Variants in ITIH5 observed in about 807,000 individuals in gnomAD.
ITIH5 encodes inter-alpha-trypsin inhibitor heavy chain 5, also known as inter-alpha-trypsin inhibitor heavy chain H5.
ITIH5 carries 65 observed loss-of-function variants against 77.5 expected under a neutral mutation model. The observed-to-expected ratio is 0.84, with a 90% CI of 0.69 to 1.03. The LOEUF is 1.03. Among genes scored for constraint, ITIH5 ranks in the 50% least tolerant of loss-of-function variants. The pLI is 0.00. For synonymous variants in ITIH5, 525 were observed against 494.3 expected (o/e 1.06, Z -0.82); for missense variants, 1,208 against 1,213.1 (o/e 1.00, Z 0.06).
chr10:7,640,475 CAAA>C (rs201317420), intron 4 of ITIH5, among the ~76,000 whole-genome samples: 2 of 77,948 alleles, frequency 2.6e-5, no homozygotes, highest in Non-Finnish European at 2.8e-5. Flanking sequence ...GACCTCATTC[CAAA>C]AAAAAAAAAA....
intron 9 of ITIH5, 127 bp from the exon 10 acceptor site, chr10:7,577,139 T>C: frequency 1.4e-6 from 1 of 712,092 alleles, no homozygotes; most frequent in Non-Finnish European, 2.3e-6. Flanking sequence ...GAGTCCAACA[T>C]GGCACCCCAC....
At chr10:7,599,710 A>G (rs377293482) in intron 7 of ITIH5, among the ~76,000 whole-genome samples, 2 of 152,234 alleles carry the variant, frequency 1.3e-5, no homozygotes, top group South Asian at 4.1e-4. Context: ...ACACAAAGAT[A>G]TGGACAGGCT....
At chr10:7,650,602 G>C (rs549710313) in intron 2 of ITIH5, among the ~76,000 whole-genome samples, 2 of 152,220 alleles carry the variant, frequency 1.3e-5, no homozygotes, top group South Asian at 2.1e-4. Flanking sequence ...CAGGTGTGAT[G>C]ATGGGTGCCC....
In ITIH5 at chr10:7,561,575, C is replaced by T. The variant is rs1013454458; in HGVS notation, c.*1508G>A. The T allele has an allele frequency of 7.2e-5, 11 of 152,396 alleles. No homozygotes were observed. Among genetic ancestry groups the T allele is most frequent in the East Asian group, 1.9e-4 (1 of 5,186 alleles). 9.4% of individuals were successfully genotyped at this position (152,396 alleles called of 1,614,324 possible). ...GACAGGCCCTGGTGTGGTGGGTTCA[C>T]GAAGCAGAGAGAGACGAGCCCAGAT... is the stretch of plus-strand genomic sequence containing the variant. On this transcript the variant is annotated 3_prime_UTR_variant, in exon 14 of 14. Transcript: ENST00000397146.
chr10:7,643,211 TG>T (rs1833917177), intron 2 of ITIH5, among the ~76,000 whole-genome samples: 1 of 152,202 alleles, frequency 6.6e-6, no homozygotes, highest in African/African-American at 2.4e-5. Context: ...ACCCAAACCC[TG>T]CAGAACCTGG....
At chr10:7,599,872 C>A (rs1813281489) in intron 7 of ITIH5, among the ~76,000 whole-genome samples, 1 of 152,182 alleles carries the variant, frequency 6.6e-6, no homozygotes, top group Non-Finnish European at 1.5e-5. Flanking sequence ...GTTCCTGGGT[C>A]TCTTTCCATC....
chr10:7,566,288 C>T lies in ITIH5; in HGVS notation c.2269G>A (p.Glu757Lys), dbSNP rs200672973. ...AAGATGACTCTGCTCGGTGTGATCT[C>T]GAGATAAGATCTCTCTGGCTTGTTG... ...LINKPERSYL[E>K]ITPSRVILDG... Residue 757 changes from glutamate (E) to lysine (K), a missense_variant, in exon 13 of 14, where the codon GAG becomes AAG. Glu to Lys is a moderately conservative substitution (Grantham distance 56). Coordinates refer to ENST00000397146, the MANE Select transcript of ITIH5 (RefSeq NM_030569.7). 304 of 1,613,528 alleles carry T rather than the reference C, an allele frequency of 1.9e-4. 4 individuals carry two copies. In the South Asian group the frequency reaches 2.9e-3, roughly 16 times the overall value.
At chr10:7,568,875 T>C (rs1832238456) in intron 12 of ITIH5, among the ~76,000 whole-genome samples, 1 of 152,162 alleles carries the variant, frequency 6.6e-6, no homozygotes, top group African/African-American at 2.4e-5. Flanking sequence ...ACATGTGACA[T>C]CCCATGTAAG....
intron 1 of ITIH5, among the ~76,000 whole-genome samples, chr10:7,657,674 G>A (rs1461195304): frequency 1.3e-5 from 2 of 152,270 alleles, no homozygotes; most frequent in East Asian, 3.9e-4. Context: ...ACTGGACTTC[G>A]AGGTTGTTCT....
chr10:7,588,300 C>G (rs10905196), intron 7 of ITIH5, among the ~76,000 whole-genome samples: 1 of 151,984 alleles, frequency 6.6e-6, no homozygotes, highest in Admixed American at 6.6e-5. Context: ...GGGTAGATCA[C>G]TTGAGGTGAG....
chr10:7,576,672 T>A lies in ITIH5; in HGVS notation c.1759A>T (p.Ser587Cys), dbSNP rs1388128911. Reference sequence around the variant, plus strand: ...TCATCGTCACTTTGCAGCCAGGAGCTCAGCAGCTCCTTTGTGGTGAGGTAG... The same window carrying A: ...TCATCGTCACTTTGCAGCCAGGAGCACAGCAGCTCCTTTGTGGTGAGGTAG... ...WSYLTTKELL[S>C]SWLQSDDEPE... is the part of the protein sequence containing the mutation. Residue 587 changes from serine to cysteine, a missense_variant, in exon 10 of 14, where the codon AGC becomes TGC. Transcript: ENST00000397146. 6.2e-7 allele frequency: 1 copy of A among 1,614,164 alleles called. No homozygotes were observed. The highest frequency in any genetic ancestry group is 1.7e-5 in the Admixed American group (1 of 60,028).
intron 7 of ITIH5, among the ~76,000 whole-genome samples, chr10:7,597,041 A>T (rs867282817): frequency 1.2e-4 from 18 of 144,890 alleles, no homozygotes; most frequent in African/African-American, 4.7e-4. Context: ...TGAGTCTCCA[A>T]CTCAAAAAAA....
At chr10:7,655,011 T>C (rs928287876) in intron 2 of ITIH5, among the ~76,000 whole-genome samples, 1 of 152,174 alleles carries the variant, frequency 6.6e-6, no homozygotes, top group Non-Finnish European at 1.5e-5. Context: ...ATAGTCATGA[T>C]TGTGATATTG....
chr10:7,566,126 G>T lies in ITIH5; in HGVS notation c.2431C>A (p.His811Asn). 1 of 1,614,088 alleles carries T rather than the reference G, an allele frequency of 6.2e-7. No homozygotes were observed. Among genetic ancestry groups the T allele is most frequent in the South Asian group, 1.1e-5 (1 of 91,080 alleles). The change falls in exon 13 of 14, where the codon CAC (histidine) becomes AAC (asparagine). Residue 811 changes from histidine (H) to asparagine (N), a missense_variant. His to Asn is a moderately conservative substitution (Grantham distance 68). Transcript: ENST00000397146. Reference protein sequence around the residue: ...QGSIAFVILIHLYKKPAPFQR... With the variant: ...QGSIAFVILINLYKKPAPFQR... ...AAGGGCGCCGGCTTTTTGTAGAGGTGGATGAGGATGACAAAGGCTATGGAG... is the reference window on the plus strand; with the variant it reads ...AAGGGCGCCGGCTTTTTGTAGAGGTTGATGAGGATGACAAAGGCTATGGAG...
chr10:7,657,063 T>TTTA (rs756931595), intron 1 of ITIH5, among the ~76,000 whole-genome samples: 8 of 126,250 alleles, frequency 6.3e-5, no homozygotes, highest in Admixed American at 1.6e-4. Context: ...TTTTTTTTTT[T>TTTA]AGACGGAGTC....
intron 8 of ITIH5, among the ~76,000 whole-genome samples, chr10:7,582,871 G>T (rs1832595211): frequency 6.6e-6 from 1 of 152,150 alleles, no homozygotes; most frequent in African/African-American, 2.4e-5. Flanking sequence ...CAGAAGTAGG[G>T]ATAGTTAATG....
chr10:7,579,881 A>C lies in ITIH5; in HGVS notation c.1292T>G (p.Val431Gly). Residue 431 changes from valine to glycine, a missense_variant, in exon 9 of 14, where the codon GTC becomes GGC. Coordinates refer to ENST00000397146, the MANE Select transcript of ITIH5 (RefSeq NM_030569.7). ...NNTREAARGQVCIFTIGIGND... is the reference protein window; with the variant it reads ...NNTREAARGQGCIFTIGIGND... The stretch of plus-strand genomic sequence containing the variant: ...GCCGATGCCAATGGTGAAGATGCAG[A>C]CTTGGCCTCGGGCGGCCTCTCGGGT... 6.2e-7 allele frequency: 1 copy of C among 1,614,156 alleles called. No individual in the cohort carries two copies. Among genetic ancestry groups the C allele is most frequent in the Non-Finnish European group, 8.5e-7 (1 of 1,180,016 alleles).
At chr10:7,640,511 A>C (rs1412041058) in intron 4 of ITIH5, among the ~76,000 whole-genome samples, 2 of 151,754 alleles carry the variant, frequency 1.3e-5, no homozygotes, top group African/African-American at 4.8e-5. Context: ...CAAACTACAT[A>C]TAGAAATATT....
At chr10:7,575,736 G>A (rs1444142669) in intron 10 of ITIH5, among the ~76,000 whole-genome samples, 1 of 152,076 alleles carries the variant, frequency 6.6e-6, no homozygotes, top group Non-Finnish European at 1.5e-5. Flanking sequence ...ATAAAATCAA[G>A]CACACAATTA....
Sources: gnomAD v4.1 joint callset for allele counts (sites outside exome capture counted in the v4.1 genomes callset) on GRCh38, gnomAD v4.1.1 for gene constraint, MANE v1.5 for transcripts, NCBI Gene and HGNC (gene_info 2026-07-23, HGNC 2026-07-21) for gene names.